The following DSCAM variants were observed in gnomAD, a reference collection of about 807,000 sequenced individuals.
DSCAM encodes cell adhesion molecule DSCAM.
In DSCAM, 47 loss-of-function variants were observed where a neutral mutation model predicts 217.7. The observed-to-expected ratio is 0.22, with a 90% CI of 0.17 to 0.28. The LOEUF (loss-of-function observed/expected upper bound fraction) is 0.28. DSCAM is among the 10% of genes least tolerant of loss of function. DSCAM has a pLI of 1.00. For missense variants in DSCAM, 2,080 were observed against 2,618.3 expected (o/e 0.79, Z 4.49); for synonymous variants, 1,056 against 1,015.3 (o/e 1.04, Z -0.76).
intron 11 of DSCAM, among the ~76,000 whole-genome samples, chr21:40,239,115 TAGA>T (rs2073115457): frequency 6.6e-6 from 1 of 152,194 alleles, no homozygotes; most frequent in Non-Finnish European, 1.5e-5. Context: ...TCCCTATCTC[TAGA>T]AAGTCTGCTC....
chr21:40,513,776 A>G (rs2076278545), intron 3 of DSCAM, among the ~76,000 whole-genome samples: 1 of 152,202 alleles, frequency 6.6e-6, no homozygotes, highest in Non-Finnish European at 1.5e-5. Context: ...AAACTATGTC[A>G]ACATGGTGTT....
At chr21:40,522,125 A>G (rs1273156010) in intron 3 of DSCAM, among the ~76,000 whole-genome samples, 1 of 152,230 alleles carries the variant, frequency 6.6e-6, no homozygotes, top group African/African-American at 2.4e-5. Context: ...AAAGCTAGGC[A>G]TAAGGTATGT....
intron 3 of DSCAM, among the ~76,000 whole-genome samples, chr21:40,432,291 G>T (rs2075542129): frequency 6.6e-6 from 1 of 152,250 alleles, no homozygotes; most frequent in East Asian, 1.9e-4. Context: ...TGGCAAGGCT[G>T]TTTTTTCCAG....
intron 11 of DSCAM, among the ~76,000 whole-genome samples, chr21:40,228,457 T>C (rs901483504): frequency 8.5e-5 from 13 of 152,188 alleles, no homozygotes; most frequent in Non-Finnish European, 7.3e-5. Context: ...TTTACACTGA[T>C]ACACTTATCA....
Position 40,653,665 on chromosome 21 carries a change from C to A in DSCAM, c.508+39145G>T, listed in dbSNP as rs554080363. 8.0e-4 allele frequency among the ~76,000 whole-genome samples: 122 copies of A among 152,280 alleles called. 2 individuals carry two copies. In the South Asian group the frequency reaches 0.021, roughly 26 times the overall value. Reference sequence around the variant, plus strand: ...GCACCCAGACACAGAGTGGAGAAGACCCCGCGTTGACTGTGATCATCGTGA... The same window carrying A: ...GCACCCAGACACAGAGTGGAGAAGAACCCGCGTTGACTGTGATCATCGTGA... On this transcript the variant is annotated intron_variant, in intron 3 of 32. Transcript: ENST00000400454.
intron 16 of DSCAM, among the ~76,000 whole-genome samples, chr21:40,146,422 G>C (rs1203425916): frequency 2.0e-5 from 3 of 152,154 alleles, no homozygotes; most frequent in Non-Finnish European, 4.4e-5. Context: ...GGGGAGGGCA[G>C]ACAATGAGAA....
At chr21:40,327,594 G>A (rs1286767098) in intron 8 of DSCAM, among the ~76,000 whole-genome samples, 2 of 151,000 alleles carry the variant, frequency 1.3e-5, no homozygotes, top group African/African-American at 4.9e-5. Flanking sequence ...TTGAATGGAA[G>A]TGGCAAGAGT....
At chr21:40,031,290 C>A (rs191881534) in intron 32 of DSCAM, among the ~76,000 whole-genome samples, 1 of 142,152 alleles carries the variant, frequency 7.0e-6, no homozygotes, top group African/African-American at 2.5e-5. Context: ...AGGAAGCTCC[C>A]AGATTCCAGC....
chr21:40,179,967 T>C (rs898971491), intron 14 of DSCAM, among the ~76,000 whole-genome samples: 1 of 152,224 alleles, frequency 6.6e-6, no homozygotes, highest in Non-Finnish European at 1.5e-5. Flanking sequence ...TGCCTACATA[T>C]TCCCACCCTC....
At chr21:40,804,956 C>T (rs2091772849) in intron 1 of DSCAM, among the ~76,000 whole-genome samples, 1 of 152,168 alleles carries the variant, frequency 6.6e-6, no homozygotes, top group Non-Finnish European at 1.5e-5. Flanking sequence ...TCCCCACCCC[C>T]ATAATTGGTC....
At chr21:40,287,022 C>T (rs567038868) in intron 10 of DSCAM, among the ~76,000 whole-genome samples, 14 of 151,080 alleles carry the variant, frequency 9.3e-5, no homozygotes, top group South Asian at 4.2e-4. Context: ...CAGGTATCTG[C>T]GGTGTGATCT....
intron 15 of DSCAM, among the ~76,000 whole-genome samples, chr21:40,172,718 T>A (rs2090672821): frequency 1.3e-5 from 2 of 152,258 alleles, no homozygotes; most frequent in African/African-American, 4.8e-5. Context: ...AGTCCCACAT[T>A]TTTGCCTCTG....
chr21:40,459,853 GA>G (rs1407587689), intron 3 of DSCAM, among the ~76,000 whole-genome samples: 6 of 152,242 alleles, frequency 3.9e-5, no homozygotes, highest in Non-Finnish European at 7.4e-5. Context: ...CAATCGGTAG[GA>G]AAAACAGAAT....
chr21:40,062,234 T>C (rs1339943408), intron 28 of DSCAM, among the ~76,000 whole-genome samples: 1 of 152,320 alleles, frequency 6.6e-6, no homozygotes, highest in Non-Finnish European at 1.5e-5. Context: ...GAAGGATGCA[T>C]TTCTGTCTTC....
At chr21:40,560,516 C>T (rs978016724) in intron 3 of DSCAM, among the ~76,000 whole-genome samples, 2 of 152,162 alleles carry the variant, frequency 1.3e-5, no homozygotes, top group Non-Finnish European at 2.9e-5. Flanking sequence ...TCAGTCTACC[C>T]GTTGTTAATA....
chr21:40,127,051 A>G (rs1404346330), intron 19 of DSCAM, among the ~76,000 whole-genome samples: 1 of 152,202 alleles, frequency 6.6e-6, no homozygotes. Context: ...GGACAAGCTG[A>G]TTAACTTCTC....
intron 3 of DSCAM, among the ~76,000 whole-genome samples, chr21:40,380,554 G>A (rs2075009574): frequency 1.3e-5 from 2 of 152,182 alleles, no homozygotes; most frequent in African/African-American, 4.8e-5. Context: ...GTTGACTCTA[G>A]TAAAGAGAAG....
At chr21:40,623,176 G>T (rs1229900625) in intron 3 of DSCAM, among the ~76,000 whole-genome samples, 1 of 151,992 alleles carries the variant, frequency 6.6e-6, no homozygotes, top group Non-Finnish European at 1.5e-5. Context: ...CAAAGAAGGA[G>T]ATCTGAAGCG....
At chr21:40,392,714 C>T (rs1305218953) in intron 3 of DSCAM, among the ~76,000 whole-genome samples, 1 of 152,108 alleles carries the variant, frequency 6.6e-6, no homozygotes, top group Non-Finnish European at 1.5e-5. Flanking sequence ...TCCCCCAGGT[C>T]CTGCCAAGCT....
Sources: allele counts gnomAD v4.1 joint callset (sites outside exome capture counted in the v4.1 genomes callset), GRCh38; gene constraint gnomAD v4.1.1; transcripts MANE v1.5; gene names NCBI Gene and HGNC (gene_info 2026-07-23, HGNC 2026-07-21).